The following TAFA1 variants were observed in gnomAD, a reference collection of about 807,000 sequenced individuals.
The protein encoded by TAFA1 is TAFA chemokine like family member 1, also known as chemokine-like protein TAFA-1.
TAFA1 carries 4 observed loss-of-function variants against 18.5 expected under a neutral mutation model. The observed-to-expected ratio is 0.22, with a 90% CI of 0.11 to 0.49. TAFA1 has a LOEUF of 0.49. Ranked by LOEUF, TAFA1 falls within the 20% of genes least tolerant of loss-of-function variation. The probability of loss-of-function intolerance (pLI) is 0.98; values close to 1 mark genes in which losing one functional copy is unlikely to be tolerated. For missense variants in TAFA1, 147 were observed against 169.0 expected (o/e 0.87, Z 0.72); for synonymous variants, 56 against 55.2 (o/e 1.01, Z -0.06).
chr3:68,134,128 C>T (rs1366306819), intron 2 of TAFA1, among the ~76,000 whole-genome samples: 1 of 148,852 alleles, frequency 6.7e-6, no homozygotes, highest in Non-Finnish European at 1.5e-5. Flanking sequence ...GAGTCGTTGG[C>T]TAGAGAGGAA....
chr3:68,242,863 A>G (rs2067018115), intron 2 of TAFA1, among the ~76,000 whole-genome samples: 1 of 151,982 alleles, frequency 6.6e-6, no homozygotes, highest in Admixed American at 6.5e-5. Context: ...AATAAACTAC[A>G]TTTTTTTATC....
intron 3 of TAFA1, among the ~76,000 whole-genome samples, chr3:68,441,653 G>C (rs904991304): frequency 6.6e-6 from 1 of 152,152 alleles, no homozygotes; most frequent in Non-Finnish European, 1.5e-5. Context: ...GAAGGCACAA[G>C]TAAGTTACAT....
At chr3:68,390,807 C>T (rs2070223281) in intron 2 of TAFA1, among the ~76,000 whole-genome samples, 1 of 152,132 alleles carries the variant, frequency 6.6e-6, no homozygotes, top group Admixed American at 6.6e-5. Context: ...GAAAGCAATA[C>T]CATCAACATC....
At chr3:68,281,316 TG>T (rs1271129236) in intron 2 of TAFA1, among the ~76,000 whole-genome samples, 2 of 152,110 alleles carry the variant, frequency 1.3e-5, no homozygotes, top group African/African-American at 2.4e-5. Flanking sequence ...TACTATACCA[TG>T]TTTTTTTTGA....
At chr3:68,237,166 C>G (rs1196547205) in intron 2 of TAFA1, among the ~76,000 whole-genome samples, 1 of 152,154 alleles carries the variant, frequency 6.6e-6, no homozygotes, top group Non-Finnish European at 1.5e-5. Flanking sequence ...AGTCCATGGT[C>G]AAAGCTCTGG....
At chr3:68,403,342 G>A (rs2070534200) in intron 2 of TAFA1, among the ~76,000 whole-genome samples, 3 of 152,178 alleles carry the variant, frequency 2.0e-5, no homozygotes. Flanking sequence ...CAAATCTCAT[G>A]GGCTTCAAAC....
intron 2 of TAFA1, among the ~76,000 whole-genome samples, chr3:68,068,246 T>A (rs2064707890): frequency 6.6e-6 from 1 of 152,168 alleles, no homozygotes; most frequent in Admixed American, 6.5e-5. Context: ...AAATAAGACA[T>A]ACAGAAAGAA....
rs1020288896 is a variant in TAFA1 at position 68,315,254 on chromosome 3, A to T, written c.119-102026A>T. 2.7e-4 allele frequency among the ~76,000 whole-genome samples: 41 copies of T among 152,278 alleles called. No homozygotes were observed. In the South Asian group the frequency reaches 3.7e-3, roughly 14 times the overall value. ...AGTTATAGAATTTTCCAATTATATCAATTCCACAGAAAACTTGTCCGAGAC... is the reference window on the plus strand; with the variant it reads ...AGTTATAGAATTTTCCAATTATATCTATTCCACAGAAAACTTGTCCGAGAC... On this transcript the variant is annotated intron_variant, in intron 2 of 4. Transcript: ENST00000478136.
At chr3:68,541,067 A>G (rs1051838717) in intron 4 of TAFA1, among the ~76,000 whole-genome samples, 1 of 152,208 alleles carries the variant, frequency 6.6e-6, no homozygotes, top group African/African-American at 2.4e-5. Context: ...AAAGCAGAGG[A>G]TGTACCTGTT....
chr3:68,477,736 C>G lies in TAFA1; in HGVS notation c.259+60316C>G, dbSNP rs1203578031. ...ATAAATATTTCTGTTGGATATAAGC[C>G]TAACAGTGGAATTTCTGAAAATATA... is the stretch of plus-strand genomic sequence containing the variant. On this transcript the variant is annotated intron_variant, in intron 3 of 4. Transcript: ENST00000478136. 7.2e-5 allele frequency among the ~76,000 whole-genome samples: 11 copies of G among 152,060 alleles called. No individual in the cohort carries two copies. The South Asian group carries it at 2.1e-3, about 29-fold the overall frequency.
chr3:68,297,148 C>T (rs565936304), intron 2 of TAFA1, among the ~76,000 whole-genome samples: 14 of 152,190 alleles, frequency 9.2e-5, no homozygotes, highest in Middle Eastern at 3.4e-3. Flanking sequence ...CACAAGATGA[C>T]GCTGAAGGGG....
intron 2 of TAFA1, among the ~76,000 whole-genome samples, chr3:68,228,143 T>C (rs995374563): frequency 1.3e-5 from 2 of 152,224 alleles, no homozygotes; most frequent in African/African-American, 4.8e-5. Context: ...TGAGTTATCA[T>C]GAAGAGTAAA....
At chr3:68,241,562 G>A (rs542520516) in intron 2 of TAFA1, among the ~76,000 whole-genome samples, 9 of 152,146 alleles carry the variant, frequency 5.9e-5, no homozygotes, top group Non-Finnish European at 1.3e-4. Context: ...AGCTAAGTGT[G>A]CTTTTCCTAG....
At chr3:68,524,405 C>G (rs578202145) in intron 3 of TAFA1, among the ~76,000 whole-genome samples, 29 of 152,240 alleles carry the variant, frequency 1.9e-4, no homozygotes, top group African/African-American at 7.0e-4. Context: ...AATGTAAGGA[C>G]AGGCAAAGTC....
At chr3:68,282,956 A>C (rs1318877416) in intron 2 of TAFA1, among the ~76,000 whole-genome samples, 3 of 152,178 alleles carry the variant, frequency 2.0e-5, no homozygotes, top group Non-Finnish European at 2.9e-5. Flanking sequence ...TTTGGGGTAC[A>C]TATCTTAAAT....
intron 2 of TAFA1, among the ~76,000 whole-genome samples, chr3:68,059,140 AG>A (rs1299135748): frequency 6.6e-6 from 1 of 152,174 alleles, no homozygotes; most frequent in African/African-American, 2.4e-5. Context: ...AGCCTGGAGA[AG>A]AAGACCATAC....
At chr3:68,156,905 A>G (rs2065873947) in intron 2 of TAFA1, among the ~76,000 whole-genome samples, 1 of 152,190 alleles carries the variant, frequency 6.6e-6, no homozygotes, top group South Asian at 2.1e-4. Flanking sequence ...CTGAGAGGAA[A>G]TGAGGAAGAT....
chr3:68,248,460 A>G (rs2067127583), intron 2 of TAFA1, among the ~76,000 whole-genome samples: 1 of 152,148 alleles, frequency 6.6e-6, no homozygotes, highest in African/African-American at 2.4e-5. Context: ...GATGAGATAA[A>G]CCATTTGGAG....
chr3:68,533,922 A>G (rs888806141), intron 3 of TAFA1, among the ~76,000 whole-genome samples: 12 of 152,194 alleles, frequency 7.9e-5, no homozygotes, highest in African/African-American at 2.9e-4. Flanking sequence ...ATAAAAGGAT[A>G]TATATGAAGA....
Sources: gnomAD v4.1 joint callset for allele counts (sites outside exome capture counted in the v4.1 genomes callset) on GRCh38, gnomAD v4.1.1 for gene constraint, MANE v1.5 for transcripts, NCBI Gene and HGNC (gene_info 2026-07-23, HGNC 2026-07-21) for gene names.